ELFN1: variants seen among roughly 807,000 people sequenced by gnomAD.
The protein encoded by ELFN1 is protein ELFN1.
In ELFN1, 6 loss-of-function variants were observed where a neutral mutation model predicts 7.6. The observed-to-expected ratio is 0.79, with a 90% confidence interval of 0.43 to 1.56. ELFN1 has a LOEUF of 1.56. Among genes scored for constraint, ELFN1 ranks in the 40% most tolerant of loss-of-function variants. The pLI, the probability that ELFN1 is intolerant of heterozygous loss-of-function variation, is 0.01. For missense variants in ELFN1, 1,169 were observed against 1,232.2 expected (o/e 0.95, Z 0.77); for synonymous variants, 657 against 588.1 (o/e 1.12, Z -1.70).
At chr7:1,690,508 A>G (rs1294236818) in intron 2 of ELFN1, among the ~76,000 whole-genome samples, 2 of 149,352 alleles carry the variant, frequency 1.3e-5, no homozygotes, top group Non-Finnish European at 1.5e-5. Flanking sequence ...GGATGGATAA[A>G]TGGATGGATT....
chr7:1,690,818 G>A (rs1056033747), intron 2 of ELFN1, among the ~76,000 whole-genome samples: 3 of 151,900 alleles, frequency 2.0e-5, no homozygotes, highest in African/African-American at 7.3e-5. Context: ...ATGAGTGGGT[G>A]GAGAGGTGGA....
chr7:1,725,485 C>CG (rs1229461714), intron 3 of ELFN1, among the ~76,000 whole-genome samples: 1 of 146,106 alleles, frequency 6.8e-6, no homozygotes, highest in African/African-American at 2.6e-5. Context: ...TGAGGCAGAG[C>CG]GGGGGTGGGG....
chr7:1,732,651 G>A (rs563302240), intron 3 of ELFN1, among the ~76,000 whole-genome samples: 59 of 152,262 alleles, frequency 3.9e-4, no homozygotes, highest in African/African-American at 1.3e-3. Flanking sequence ...AGACAGAGGC[G>A]GGTGTCCTGT....
chr7:1,672,717 C>T (rs1437651001), intron 1 of ELFN1, among the ~76,000 whole-genome samples: 30 of 152,026 alleles, frequency 2.0e-4, no homozygotes. Context: ...AGAGCCCCCA[C>T]CCCAGGATCC....
At position 1,719,904 on chromosome 7, in the gene ELFN1, C is replaced by T. The variant is rs192934285; in HGVS notation, c.-294+10652C>T. ...GCAGGGGCCTCCCCCACCATCACCTCTGCAAACCCTCCCCCACCATCACCT... is the reference window on the plus strand; with the variant it reads ...GCAGGGGCCTCCCCCACCATCACCTTTGCAAACCCTCCCCCACCATCACCT... On this transcript the variant is annotated intron_variant, in intron 3 of 3. Coordinates refer to ENST00000424383, the MANE Select transcript of ELFN1 (RefSeq NM_001128636.4). 5.6e-3 allele frequency among the ~76,000 whole-genome samples: 846 copies of T among 151,146 alleles called. 1 individual carries two copies. The highest frequency in any genetic ancestry group is 7.6e-3 in the Non-Finnish European group (517 of 67,672).
At chr7:1,698,682 C>T (rs1779366874) in intron 2 of ELFN1, among the ~76,000 whole-genome samples, 1 of 152,204 alleles carries the variant, frequency 6.6e-6, no homozygotes, top group Non-Finnish European at 1.5e-5. Context: ...TGTGGCTCCA[C>T]CATGCAAGAG....
In ELFN1 at chr7:1,719,802, C is replaced by T. The variant is rs1168980137; in HGVS notation, c.-294+10550C>T. Among the ~76,000 whole-genome samples, 53 of 152,110 alleles carry T rather than the reference C, an allele frequency of 3.5e-4. 1 individual carries two copies. Among genetic ancestry groups the T allele is most frequent in the Admixed American group, 3.3e-3 (50 of 15,284 alleles). On this transcript the variant is annotated intron_variant, in intron 3 of 3. Coordinates refer to ENST00000424383, the MANE Select transcript of ELFN1 (RefSeq NM_001128636.4). ...CTCCCCTACCATCACCTCTGCAAACCCTTCCCCACCATCACCTCTGCAAAC... is the reference window on the plus strand; with the variant it reads ...CTCCCCTACCATCACCTCTGCAAACTCTTCCCCACCATCACCTCTGCAAAC...
At chr7:1,679,198 A>G (rs2128575912) in intron 1 of ELFN1, among the ~76,000 whole-genome samples, 1 of 145,540 alleles carries the variant, frequency 6.9e-6, no homozygotes, top group Admixed American at 6.6e-5. Flanking sequence ...CACACACACA[A>G]CTGCGCATGG....
At chr7:1,719,370 A>ACCCAAGCCACCAACAGGG (rs1779946086) in intron 3 of ELFN1, among the ~76,000 whole-genome samples, 2 of 131,310 alleles carry the variant, frequency 1.5e-5, no homozygotes, top group African/African-American at 3.1e-5. Context: ...CACCAACAGG[A>ACCCAAGCCACCAACAGGG]CCCAAGCCAC....
rs1281630690 is a variant in ELFN1, at chr7:1,746,181, C to G, written c.1585C>G (p.Arg529Gly). Residue 529 changes from arginine to glycine, a missense_variant, in exon 4 of 4, where the codon CGA becomes GGA. By Grantham distance (125) the Arg-to-Gly change is moderately radical. Around this residue, in one of 2 missense-constraint regions of ELFN1, gnomAD observed 914 missense variants for 872.6 expected, o/e 1.05. Transcript: ENST00000424383. ...KASKGSYMEV[R>G]TGDPPERRDC... ...CAGCAAGGGCAGCTACATGGAGGTT[C>G]GAACCGGGGACCCTCCGGAACGCAG... 1 of 1,550,012 alleles carries G rather than the reference C, an allele frequency of 6.5e-7. No individual in the cohort carries two copies.
At chr7:1,741,111 CAG>C (rs1780597694) in intron 3 of ELFN1, among the ~76,000 whole-genome samples, 4 of 128,334 alleles carry the variant, frequency 3.1e-5, no homozygotes, top group Admixed American at 3.0e-4. Context: ...GCCTGGGTGA[CAG>C]AGCAAGACTC....
chr7:1,730,038 C>T lies in ELFN1; in HGVS notation c.-293-14266C>T, dbSNP rs538120208. Among the ~76,000 whole-genome samples the T allele has an allele frequency of 9.8e-5, 15 of 152,362 alleles. 1 individual carries two copies. The South Asian group carries it at 2.9e-3, about 29-fold the overall frequency. On this transcript the variant is annotated intron_variant, in intron 3 of 3. Coordinates refer to ENST00000424383, the MANE Select transcript of ELFN1 (RefSeq NM_001128636.4). Reference sequence around the variant, plus strand: ...CAGCCCCACCCGGGGACCAGCCCCTCCCAGATGCCATCTCCGAATCCGCCA... The same window carrying T: ...CAGCCCCACCCGGGGACCAGCCCCTTCCAGATGCCATCTCCGAATCCGCCA...
At chr7:1,717,415 C>T (rs944789673) in intron 3 of ELFN1, among the ~76,000 whole-genome samples, 3 of 152,182 alleles carry the variant, frequency 2.0e-5, no homozygotes, top group Non-Finnish European at 2.9e-5. Flanking sequence ...TCAGCTGACA[C>T]GCTGAGACTC....
At chr7:1,726,130 G>GTCT in intron 3 of ELFN1, among the ~76,000 whole-genome samples, 1 of 152,226 alleles carries the variant, frequency 6.6e-6, no homozygotes, top group South Asian at 2.1e-4. Flanking sequence ...GGCCTAGTGG[G>GTCT]TCTTCGGCTG....
rs1189558994 is a variant in ELFN1, at chr7:1,746,884, C to A, written c.2288C>A (p.Ser763Tyr). The A allele has an allele frequency of 4.5e-6, 7 of 1,544,812 alleles. No individual in the cohort carries two copies. The highest frequency in any genetic ancestry group is 6.1e-6 in the Non-Finnish European group (7 of 1,144,070). ...CCGCAGTACCACAGCCTGAGCTACT[C>A]CTCCAGCCCCGAGTACACCTGCCGG... is the stretch of plus-strand genomic sequence containing the variant. ...LSPQYHSLSY[S>Y]SSPEYTCRAS... Residue 763 changes from serine to tyrosine, a missense_variant, in exon 4 of 4, where the codon TCC becomes TAC. This residue lies in a region of ELFN1 where 914 missense variants were observed against 872.6 expected (regional missense o/e 1.05). Transcript: ENST00000424383.
intron 2 of ELFN1, among the ~76,000 whole-genome samples, chr7:1,688,692 T>C (rs1779102784): frequency 6.6e-6 from 1 of 152,228 alleles, no homozygotes; most frequent in Admixed American, 6.5e-5. Context: ...AGAGATCTCA[T>C]GTACCCTTTA....
intron 3 of ELFN1, among the ~76,000 whole-genome samples, chr7:1,721,177 C>T (rs1583367838): frequency 6.6e-6 from 1 of 152,250 alleles, no homozygotes. Context: ...GCAACTTGCA[C>T]TGGGGGAGGG....
Position 1,735,395 on chromosome 7 carries a change from G to A in ELFN1, c.-293-8909G>A, listed in dbSNP as rs979401057. ...CACTCACCGAGTCCTCACACAGTGG[G>A]GACGTGGTGCAGGCAGCAGTCCCCT... On this transcript the variant is annotated intron_variant, in intron 3 of 3. Coordinates refer to ENST00000424383, the MANE Select transcript of ELFN1 (RefSeq NM_001128636.4). This position sits in a 1 kb window ranked among gnomAD's most constrained non-coding sequence, Gnocchi z 5.9. Among the ~76,000 whole-genome samples the A allele has an allele frequency of 1.3e-5, 2 of 152,072 alleles. No individual in the cohort carries two copies. The highest frequency in any genetic ancestry group is 4.8e-5 in the African/African-American group (2 of 41,408).
chr7:1,707,617 C>T (rs1779563135), intron 2 of ELFN1, among the ~76,000 whole-genome samples: 1 of 152,292 alleles, frequency 6.6e-6, no homozygotes, highest in South Asian at 2.1e-4. Flanking sequence ...GGCCTGGAAG[C>T]CTCCTCTTAT....
Sources: allele counts gnomAD v4.1 joint callset (sites outside exome capture counted in the v4.1 genomes callset), GRCh38; gene constraint gnomAD v4.1.1; regional missense constraint gnomAD v4.1.1; non-coding constraint Gnocchi (gnomAD v3.1); transcripts MANE v1.5; gene names NCBI Gene and HGNC (gene_info 2026-07-23, HGNC 2026-07-21).